WWOX: variants seen among roughly 807,000 people sequenced by gnomAD.
WWOX encodes the protein WW domain-containing oxidoreductase.
A neutral mutation model predicts 46.2 loss-of-function variants in WWOX; 69 were observed. That is an observed-to-expected ratio of 1.49 (90% CI 1.23 to 1.82). The LOEUF (loss-of-function observed/expected upper bound fraction) is 1.82. WWOX is among the 40% of genes most tolerant of loss of function. WWOX has a pLI of 0.00. For synonymous variants in WWOX, 359 were observed against 202.6 expected (o/e 1.77, Z -6.56); for missense variants, 919 against 542.6 (o/e 1.69, Z -6.89).
At chr16:78,858,649 C>G (rs1019550203) in intron 8 of WWOX, among the ~76,000 whole-genome samples, 1 of 151,802 alleles carries the variant, frequency 6.6e-6, no homozygotes, top group African/African-American at 2.4e-5. Context: ...TTTTTCTTTA[C>G]CTGTCATGTT....
chr16:78,777,313 T>G (rs996487573), intron 8 of WWOX, among the ~76,000 whole-genome samples: 125 of 152,286 alleles, frequency 8.2e-4, no homozygotes, highest in African/African-American at 2.9e-3. Flanking sequence ...AGGGAGGACT[T>G]TCTGATGATG....
intron 8 of WWOX, among the ~76,000 whole-genome samples, chr16:78,451,533 G>A (rs922242683): frequency 1.3e-5 from 2 of 152,104 alleles, no homozygotes; most frequent in African/African-American, 4.8e-5. Flanking sequence ...ATGAATCCCA[G>A]CCCTTCCTTT....
At chr16:78,458,475 G>A (rs530340758) in intron 8 of WWOX, among the ~76,000 whole-genome samples, 1 of 152,016 alleles carries the variant, frequency 6.6e-6, no homozygotes, top group South Asian at 2.1e-4. Context: ...TGCCCAGGCT[G>A]GTCTGGAACT....
intron 8 of WWOX, among the ~76,000 whole-genome samples, chr16:79,131,225 C>T (rs778864766): frequency 4.6e-5 from 7 of 152,126 alleles, no homozygotes; most frequent in Non-Finnish European, 8.8e-5. Context: ...CTCTCCCTTC[C>T]TCCAGGGCCA....
At chr16:78,800,627 G>A (rs2050861580) in intron 8 of WWOX, among the ~76,000 whole-genome samples, 1 of 152,204 alleles carries the variant, frequency 6.6e-6, no homozygotes, top group African/African-American at 2.4e-5. Flanking sequence ...GCTTGCAGTG[G>A]CAGCTGACGG....
intron 8 of WWOX, chr16:78,981,797 G>A (rs763942081): frequency 1.3e-5 from 2 of 152,150 alleles, no homozygotes; most frequent in African/African-American, 2.4e-5. Context: ...CCAAGGACGA[G>A]GAGCAACAGA....
intron 8 of WWOX, among the ~76,000 whole-genome samples, chr16:79,036,455 C>G (rs975283997): frequency 1.3e-5 from 2 of 152,252 alleles, no homozygotes; most frequent in Non-Finnish European, 2.9e-5. Context: ...CTGCATCATT[C>G]ATGACATGTG....
intron 8 of WWOX, among the ~76,000 whole-genome samples, chr16:79,018,219 G>A (rs774565565): frequency 3.0e-4 from 45 of 152,130 alleles, no homozygotes; most frequent in Non-Finnish European, 5.4e-4. Context: ...CCTTTACCAA[G>A]GCTAGTTGCA....
chr16:78,175,012 A>AAT (rs1183573357), intron 5 of WWOX, among the ~76,000 whole-genome samples: 1 of 145,830 alleles, frequency 6.9e-6, no homozygotes, highest in Non-Finnish European at 1.5e-5. Context: ...TAATAATAAT[A>AAT]ATAATAATAA....
chr16:78,952,143 C>T (rs1567433049), intron 8 of WWOX, among the ~76,000 whole-genome samples: 1 of 151,940 alleles, frequency 6.6e-6, no homozygotes. Flanking sequence ...TCATTGTAAC[C>T]CTCTACCCTC....
At chr16:78,890,116 TACACAC>T (rs1461594993) in intron 8 of WWOX, 8 of 152,084 alleles carry the variant, frequency 5.3e-5, no homozygotes. Flanking sequence ...CACATACACA[TACACAC>T]ATTTTTTCCT....
chr16:78,811,229 A>G (rs1419283998), intron 8 of WWOX, among the ~76,000 whole-genome samples: 2 of 152,170 alleles, frequency 1.3e-5, no homozygotes, highest in Admixed American at 1.3e-4. Flanking sequence ...ACACATGGTC[A>G]CTCACATACA....
At chr16:79,121,383 CAG>C (rs2049628313) in intron 8 of WWOX, among the ~76,000 whole-genome samples, 1 of 152,146 alleles carries the variant, frequency 6.6e-6, no homozygotes, top group Admixed American at 6.5e-5. Context: ...GTGTTTACAA[CAG>C]AATATATAAC....
intron 8 of WWOX, among the ~76,000 whole-genome samples, chr16:79,074,387 C>G (rs142302691): frequency 7.6e-6 from 1 of 132,028 alleles, no homozygotes. Context: ...CGAATCTCAT[C>G]CTGACTGAAA....
At chr16:78,967,446 G>C in intron 8 of WWOX, among the ~76,000 whole-genome samples, 1 of 137,322 alleles carries the variant, frequency 7.3e-6, no homozygotes, top group Non-Finnish European at 1.5e-5. Context: ...AACATGCCTG[G>C]TTAATTTTTG....
At position 78,999,213 on chromosome 16, in the gene WWOX, G is replaced by A. The variant is rs529499734; in HGVS notation, c.1057-212395G>A. Among the ~76,000 whole-genome samples, 82 of 151,498 alleles carry A rather than the reference G, an allele frequency of 5.4e-4. 1 individual carries two copies. The highest frequency in any genetic ancestry group is 9.2e-4 in the Admixed American group (14 of 15,212). On this transcript the variant is annotated intron_variant, in intron 8 of 8. Coordinates refer to ENST00000566780, the MANE Select transcript of WWOX (RefSeq NM_016373.4). ...CAGCCAGGGGCAGCGGGTCATACCT[G>A]TAATCCCAGCACTTTGGGAGGCCAA...
At chr16:78,977,656 A>G (rs965665422) in intron 8 of WWOX, among the ~76,000 whole-genome samples, 10 of 152,164 alleles carry the variant, frequency 6.6e-5, no homozygotes, top group Admixed American at 2.6e-4. Flanking sequence ...CAGCCTCGAA[A>G]GAAGTGCTTA....
intron 8 of WWOX, among the ~76,000 whole-genome samples, chr16:78,444,569 C>T (rs1383720644): frequency 1.4e-5 from 2 of 145,246 alleles, no homozygotes; most frequent in African/African-American, 5.3e-5. Flanking sequence ...CTCACTCTGT[C>T]ACCAGGCTAG....
chr16:79,037,589 C>A (rs1400085235), intron 8 of WWOX, among the ~76,000 whole-genome samples: 3 of 152,298 alleles, frequency 2.0e-5, no homozygotes, highest in South Asian at 4.1e-4. Flanking sequence ...TCTACAACTG[C>A]ACCCTGCTAC....
Sources: gnomAD v4.1 joint callset for allele counts (sites outside exome capture counted in the v4.1 genomes callset) on GRCh38, gnomAD v4.1.1 for gene constraint, MANE v1.5 for transcripts, NCBI Gene and HGNC (gene_info 2026-07-23, HGNC 2026-07-21) for gene names.